COL26A1: variants seen among roughly 807,000 people sequenced by gnomAD.
COL26A1 encodes the protein collagen type XXVI alpha 1 chain, also known as collagen alpha-1(XXVI) chain.
Under a neutral mutation model 59.3 loss-of-function variants are expected in COL26A1, and 41 were observed. The observed-to-expected ratio is 0.69, with a 90% CI of 0.54 to 0.90. The LOEUF (loss-of-function observed/expected upper bound fraction) is 0.90, where lower values mean the gene tolerates loss of function less well. Among genes scored for constraint, COL26A1 ranks in the 40% least tolerant of loss-of-function variants. The pLI is 0.00. For synonymous variants in COL26A1, 266 were observed against 256.0 expected (o/e 1.04, Z -0.37); for missense variants, 612 against 602.3 (o/e 1.02, Z -0.17).
intron 3 of COL26A1, among the ~76,000 whole-genome samples, chr7:101,480,567 C>T (rs1457727339): frequency 5.9e-5 from 9 of 152,074 alleles, no homozygotes; most frequent in Non-Finnish European, 1.5e-5. Context: ...ATAGTGCAAT[C>T]CTGGCTTACC....
intron 3 of COL26A1, among the ~76,000 whole-genome samples, chr7:101,459,862 A>G (rs1793568412): frequency 6.6e-6 from 1 of 152,108 alleles, no homozygotes; most frequent in Non-Finnish European, 1.5e-5. Flanking sequence ...AGTCCATCCA[A>G]GCGTGGAGCT....
chr7:101,525,492 TGTTTTTTTG>T (rs1795224643), intron 3 of COL26A1, among the ~76,000 whole-genome samples: 1 of 137,682 alleles, frequency 7.3e-6, no homozygotes, highest in Non-Finnish European at 1.6e-5. Context: ...CTGACTTCAC[TGTTTTTTTG>T]GTTTTTTTTT....
At chr7:101,439,549 G>A (rs1174776898) in intron 2 of COL26A1, among the ~76,000 whole-genome samples, 12 of 7,162 alleles carry the variant, frequency 1.7e-3, no homozygotes, top group Admixed American at 0.01. Context: ...GTGAGACTCC[G>A]TCTGAAAAAA....
chr7:101,551,237 G>GTTTGGGGGGGGGGT, intron 10 of COL26A1, 94 bp downstream of exon 10: 1 of 386,356 alleles, frequency 2.6e-6, no homozygotes, highest in Admixed American at 3.5e-5. Context: ...TGGTGGGGGG[G>GTTTGGGGGGGGGGT]TTCAGCCCTG....
At position 101,555,891 on chromosome 7, in the gene COL26A1, A is replaced by AGCGG. The variant is rs773759104; in HGVS notation, c.1165+23_1165+26dup. Reference sequence around the variant, plus strand: ...TCCACGGTGAGCAGTGACCAGGATCAGCGGGCTGGGAATCTCTCTCCCCTC... The same window carrying AGCGG: ...TCCACGGTGAGCAGTGACCAGGATCAGCGGGCGGGCTGGGAATCTCTCTCCCCTC... On this transcript the variant is annotated intron_variant, in intron 12 of 12. Coordinates refer to ENST00000313669, the MANE Select transcript of COL26A1 (RefSeq NM_001278563.3). 86 of 1,583,578 alleles carry AGCGG rather than the reference A, an allele frequency of 5.4e-5. No homozygotes were observed. Among genetic ancestry groups the AGCGG allele is most frequent in the Non-Finnish European group, 3.4e-6 (4 of 1,162,982 alleles).
intron 1 of COL26A1, among the ~76,000 whole-genome samples, chr7:101,401,687 T>G (rs1415595508): frequency 3.3e-5 from 4 of 122,528 alleles, no homozygotes; most frequent in Admixed American, 8.9e-5. Flanking sequence ...TGTTGGAGGC[T>G]GAGGAGGAGG....
chr7:101,451,341 A>G (rs28558082), intron 3 of COL26A1, among the ~76,000 whole-genome samples: 26,139 of 146,076 alleles, frequency 0.18, 5,542 homozygotes, highest in African/African-American at 0.51. Flanking sequence ...TTATATTTCT[A>G]TTTAAACAAT....
intron 2 of COL26A1, among the ~76,000 whole-genome samples, chr7:101,421,733 T>C (rs1584393554): frequency 6.6e-6 from 1 of 152,300 alleles, no homozygotes; most frequent in Middle Eastern, 3.4e-3. Context: ...TCTACCAGGT[T>C]TCTCCACTGT....
intron 10 of COL26A1, among the ~76,000 whole-genome samples, chr7:101,552,679 G>A (rs751251992): frequency 1.1e-4 from 17 of 152,196 alleles, no homozygotes; most frequent in Non-Finnish European, 2.4e-4. Flanking sequence ...GGCCAAGGCA[G>A]GCAGATCACC....
intron 3 of COL26A1, among the ~76,000 whole-genome samples, chr7:101,524,067 C>T (rs573637220): frequency 1.3e-5 from 2 of 152,002 alleles, no homozygotes; most frequent in Non-Finnish European, 1.5e-5. Context: ...GTCAGGAGTT[C>T]GAGACCAGCA....
intron 1 of COL26A1, among the ~76,000 whole-genome samples, chr7:101,417,993 G>A (rs1792419558): frequency 6.6e-6 from 1 of 152,000 alleles, no homozygotes; most frequent in Non-Finnish European, 1.5e-5. Flanking sequence ...CCAAAGTGCT[G>A]GGATTACAGG....
intron 3 of COL26A1, among the ~76,000 whole-genome samples, chr7:101,527,693 C>A (rs931155455): frequency 1.3e-5 from 2 of 152,110 alleles, no homozygotes; most frequent in South Asian, 2.1e-4. Context: ...TTGCCTGGTA[C>A]GTTGACACTT....
chr7:101,515,231 G>A (rs1003441111), intron 3 of COL26A1, among the ~76,000 whole-genome samples: 1 of 152,098 alleles, frequency 6.6e-6, no homozygotes. Context: ...GTGCCTCTCT[G>A]ATCAAGGAGA....
chr7:101,556,091 A>G (rs1283694208), intron 12 of COL26A1, among the ~76,000 whole-genome samples: 1 of 151,828 alleles, frequency 6.6e-6, no homozygotes, highest in Non-Finnish European at 1.5e-5. Context: ...TAGTATAGCC[A>G]TGGTGGGCAG....
rs1030011476 is a variant in COL26A1 at position 101,549,290 on chromosome 7, G to A, written c.993+67G>A. ...GGTGGCGGGTGGCCTTGTCTCCCTA[G>A]GGGAGAAGAAGCACCTTTTTACCAG... On this transcript the variant is annotated intron_variant, in intron 9 of 12. Coordinates refer to ENST00000313669, the MANE Select transcript of COL26A1 (RefSeq NM_001278563.3). 3.6e-6 allele frequency: 4 copies of A among 1,104,228 alleles called. No individual in the cohort carries two copies. The Middle Eastern group carries it at 5.9e-4, about 163-fold the overall frequency. The allele number at this position is 1,104,228 out of a possible 1,614,324, so 68.4% of individuals were successfully genotyped here. A position where few individuals can be genotyped will look rare whatever the true frequency, so the allele number is the denominator to read the frequency against.
At position 101,455,082 on chromosome 7, in the gene COL26A1, A is replaced by G. The variant is rs1429269497; in HGVS notation, c.385+7295A>G. 1.1e-4 allele frequency among the ~76,000 whole-genome samples: 16 copies of G among 143,544 alleles called. No individual in the cohort carries two copies. In the Admixed American group the frequency reaches 1.2e-3, roughly 11 times the overall value. 94.2% of individuals were successfully genotyped at this position (143,544 alleles called of 152,430 possible). On this transcript the variant is annotated intron_variant, in intron 3 of 12. Transcript: ENST00000313669. ...TTTTGAGATAGAGTTCTGCTCTGTC[A>G]CCCAGGCTGGAGTGCAGTGGTGCCA... is the stretch of plus-strand genomic sequence containing the variant.
At chr7:101,369,179 G>T (rs1279538658) in intron 1 of COL26A1, among the ~76,000 whole-genome samples, 1 of 152,068 alleles carries the variant, frequency 6.6e-6, no homozygotes, top group Non-Finnish European at 1.5e-5. Context: ...GGCCAAGGTG[G>T]GTGGATCGCT....
At position 101,429,589 on chromosome 7, in the gene COL26A1, C is replaced by CT. The variant is rs58432413; in HGVS notation, c.281+9511dup. Among the ~76,000 whole-genome samples, 207 of 78,682 alleles carry CT rather than the reference C, an allele frequency of 2.6e-3. 6 individuals are homozygous for CT. The East Asian group carries it at 0.03, about 12-fold the overall frequency. 51.6% of individuals were successfully genotyped at this position (78,682 alleles called of 152,430 possible). ...ATTCTTTTTTTTCCTTTCTTTTTTA[C>CT]TTTTTTTTTTTTTTTTTTTTTGAGA... On this transcript the variant is annotated intron_variant, in intron 2 of 12. Transcript: ENST00000313669.
At chr7:101,390,607 G>A (rs1312507323) in intron 1 of COL26A1, among the ~76,000 whole-genome samples, 2 of 151,956 alleles carry the variant, frequency 1.3e-5, no homozygotes, top group Non-Finnish European at 2.9e-5. Flanking sequence ...TAAATTTTTT[G>A]AGAAATGGGA....
Sources: gnomAD v4.1 joint callset for allele counts (sites outside exome capture counted in the v4.1 genomes callset) on GRCh38, gnomAD v4.1.1 for gene constraint, MANE v1.5 for transcripts, NCBI Gene and HGNC (gene_info 2026-07-23, HGNC 2026-07-21) for gene names.